The following MTA3 variants were observed in gnomAD, a reference collection of about 807,000 sequenced individuals.
MTA3 encodes the protein metastasis-associated protein MTA3.
In MTA3, 34 loss-of-function variants were observed where a neutral mutation model predicts 83.5. That is an observed-to-expected ratio of 0.41 (90% CI 0.31 to 0.54). MTA3 has a LOEUF of 0.54. MTA3 is among the 20% of genes least tolerant of loss of function. MTA3 has a pLI of 0.33. For missense variants in MTA3, 761 were observed against 726.4 expected, an observed-to-expected ratio of 1.05 and a Z score of -0.55; for synonymous variants, 303 against 252.7, an observed-to-expected ratio of 1.20 and a Z score of -1.89.
At chr2:42,676,966 A>G (rs1691418848) in intron 8 of MTA3, among the ~76,000 whole-genome samples, 1 of 152,192 alleles carries the variant, frequency 6.6e-6, no homozygotes. Context: ...AACAATAATT[A>G]CAGTAGTCTT....
At chr2:42,603,990 C>T (rs931709351) in intron 3 of MTA3, among the ~76,000 whole-genome samples, 1 of 152,212 alleles carries the variant, frequency 6.6e-6, no homozygotes, top group Non-Finnish European at 1.5e-5. Context: ...ACCTTGTGAT[C>T]CGCCTGCCTC....
intron 2 of MTA3, among the ~76,000 whole-genome samples, chr2:42,505,509 C>G (rs535063720): frequency 5.9e-5 from 9 of 152,106 alleles, no homozygotes; most frequent in African/African-American, 2.2e-4. Flanking sequence ...GCCTCCCATG[C>G]TGGCTCAGCA....
chr2:42,613,719 C>T (rs879509510), intron 4 of MTA3: 1 of 152,148 alleles, frequency 6.6e-6, no homozygotes, highest in African/African-American at 2.4e-5. Context: ...GCTTTTTAGT[C>T]TGTGAACTAT....
At chr2:42,586,320 T>TA (rs1378946761) in intron 3 of MTA3, among the ~76,000 whole-genome samples, 3 of 149,280 alleles carry the variant, frequency 2.0e-5, no homozygotes, top group African/African-American at 7.4e-5. Flanking sequence ...GGCAGTGGCT[T>TA]ACGCCTGTAA....
chr2:42,704,143 T>C (rs1198832756), intron 11 of MTA3, 51 bp from the exon 12 acceptor site: 1 of 1,573,712 alleles, frequency 6.4e-7, no homozygotes, highest in Non-Finnish European at 8.7e-7. Flanking sequence ...ATAGAGCTTT[T>C]TGCCTTATTG....
At chr2:42,750,140 C>A (rs6713059) in intron 16 of MTA3, among the ~76,000 whole-genome samples, 107,085 of 151,876 alleles carry the variant, frequency 0.71, 38,638 homozygotes, top group African/African-American at 0.86. Flanking sequence ...ACAGGTGCGC[C>A]CCATAACACC....
At chr2:42,510,535 C>CT (rs1674850037) in intron 2 of MTA3, among the ~76,000 whole-genome samples, 2 of 152,150 alleles carry the variant, frequency 1.3e-5, no homozygotes, top group African/African-American at 4.8e-5. Flanking sequence ...GAACTGTTCA[C>CT]TATTGAATTG....
chr2:42,701,504 G>A (rs1483757620), intron 11 of MTA3, among the ~76,000 whole-genome samples: 1 of 151,968 alleles, frequency 6.6e-6, no homozygotes, highest in East Asian at 1.9e-4. Flanking sequence ...GGCTGAGGTG[G>A]GAGTATCACC....
intron 3 of MTA3, among the ~76,000 whole-genome samples, chr2:42,594,092 C>G (rs574146716): frequency 6.6e-6 from 1 of 151,940 alleles, no homozygotes; most frequent in African/African-American, 2.4e-5. Context: ...GCTGGGATTA[C>G]AGGCGCACAC....
In MTA3 at chr2:42,755,886, A is replaced by G. The variant is rs1362017647; in HGVS notation, c.*2487A>G. 6 of 985,382 alleles carry G rather than the reference A, an allele frequency of 6.1e-6. No homozygotes were observed. In the African/African-American group the frequency reaches 8.7e-5, roughly 14 times the overall value. The allele number at this position is 985,382 out of a possible 1,614,324, so 61.0% of individuals were successfully genotyped here. A position where few individuals can be genotyped will look rare whatever the true frequency, so the allele number is the denominator to read the frequency against. On this transcript the variant is annotated 3_prime_UTR_variant, in exon 17 of 17. Transcript: ENST00000405094. ...GGCTATCTCCCCCTCTGGCTCAGTC[A>G]TCGCCTGCCCACCCTTCACTTCTTA... is the stretch of plus-strand genomic sequence containing the variant.
chr2:42,521,198 T>G (rs533949652), intron 2 of MTA3, among the ~76,000 whole-genome samples: 3 of 152,316 alleles, frequency 2.0e-5, no homozygotes, highest in South Asian at 2.1e-4. Flanking sequence ...TGCTCTCTTC[T>G]TGGCTCACTC....
intron 2 of MTA3, among the ~76,000 whole-genome samples, chr2:42,502,790 T>A (rs1674452600): frequency 3.0e-5 from 1 of 33,482 alleles, no homozygotes; most frequent in Non-Finnish European, 5.5e-5. Context: ...AGAACAAAAC[T>A]CTGTCTCAAA....
At chr2:42,584,282 C>T (rs762346169) in intron 3 of MTA3, among the ~76,000 whole-genome samples, 1 of 152,136 alleles carries the variant, frequency 6.6e-6, no homozygotes, top group Non-Finnish European at 1.5e-5. Context: ...TTCATCTAGA[C>T]CTCTACTCGC....
chr2:42,705,972 G>A (rs1666045339), intron 12 of MTA3, among the ~76,000 whole-genome samples: 1 of 152,152 alleles, frequency 6.6e-6, no homozygotes, highest in South Asian at 2.1e-4. Context: ...TATTTAAGGA[G>A]AAAGGCATTT....
intron 6 of MTA3, among the ~76,000 whole-genome samples, chr2:42,647,542 C>T (rs373784755): frequency 4.6e-5 from 7 of 151,172 alleles, no homozygotes; most frequent in South Asian, 2.1e-4. Flanking sequence ...CCTCCCACCC[C>T]GCCTCCCACT....
intron 2 of MTA3, among the ~76,000 whole-genome samples, chr2:42,560,894 G>A (rs750181997): frequency 4.6e-5 from 7 of 152,160 alleles, no homozygotes; most frequent in Non-Finnish European, 8.8e-5. Flanking sequence ...GTGACAGAGC[G>A]AGACTCCATC....
At chr2:42,676,637 G>A (rs766330383) in intron 8 of MTA3, among the ~76,000 whole-genome samples, 3 of 152,152 alleles carry the variant, frequency 2.0e-5, no homozygotes, top group African/African-American at 7.2e-5. Flanking sequence ...ATTGTGGCAT[G>A]CACCTGTAGT....
chr2:42,657,972 T>C (rs964526471), intron 7 of MTA3, among the ~76,000 whole-genome samples: 30 of 144,234 alleles, frequency 2.1e-4, no homozygotes, highest in African/African-American at 6.5e-4. Flanking sequence ...CTTGGGAGAC[T>C]GAGGCGGGAA....
chr2:42,685,550 C>G (rs969326646), intron 9 of MTA3, among the ~76,000 whole-genome samples: 2 of 152,196 alleles, frequency 1.3e-5, no homozygotes, highest in Non-Finnish European at 2.9e-5. Flanking sequence ...GCCTTTAGTA[C>G]GAAATCCATC....
Sources: gnomAD v4.1 joint callset for allele counts (sites outside exome capture counted in the v4.1 genomes callset) on GRCh38, gnomAD v4.1.1 for gene constraint, MANE v1.5 for transcripts, NCBI Gene and HGNC (gene_info 2026-07-23, HGNC 2026-07-21) for gene names.